COMMD10: variants seen among roughly 807,000 people sequenced by gnomAD.
COMMD10 encodes COMM domain-containing protein 10.
In COMMD10, 33 loss-of-function variants were observed where a neutral mutation model predicts 28.9. The ratio of observed to expected loss-of-function variants is 1.14; its 90% confidence interval spans 0.87 to 1.53. COMMD10 has a LOEUF of 1.53. Among genes scored for constraint, COMMD10 ranks in the 40% most tolerant of loss-of-function variants. The probability of loss-of-function intolerance (pLI) is 0.00; values close to 1 mark genes in which losing one functional copy is unlikely to be tolerated. For synonymous variants in COMMD10, 110 were observed against 81.7 expected (o/e 1.35, Z -1.87); for missense variants, 310 against 233.4 (o/e 1.33, Z -2.14).
chr5:116,114,478 C>T (rs1385953124), intron 4 of COMMD10, among the ~76,000 whole-genome samples: 1 of 152,024 alleles, frequency 6.6e-6, no homozygotes, highest in Non-Finnish European at 1.5e-5. Context: ...AGAGTAATGG[C>T]AGGGTTTTTA....
At chr5:116,223,335 C>G (rs72804898) in intron 5 of COMMD10, among the ~76,000 whole-genome samples, 1 of 148,646 alleles carries the variant, frequency 6.7e-6, no homozygotes, top group Non-Finnish European at 1.5e-5. Context: ...AAAAAAAGTT[C>G]TTATTACAAT....
At chr5:116,087,730 T>G (rs554265739) in intron 2 of COMMD10, 143 bp downstream of exon 2, 1 of 618,568 alleles carries the variant, frequency 1.6e-6, no homozygotes, top group South Asian at 2.1e-5. Flanking sequence ...TTGGTAATGT[T>G]TCATGGTCAG....
chr5:116,271,887 G>T (rs1458186239), intron 5 of COMMD10, among the ~76,000 whole-genome samples: 2 of 151,692 alleles, frequency 1.3e-5, no homozygotes, highest in Non-Finnish European at 2.9e-5. Context: ...ATACAAATGA[G>T]TTATCTTTTC....
At chr5:116,253,373 C>G (rs1201243784) in intron 5 of COMMD10, among the ~76,000 whole-genome samples, 1 of 148,946 alleles carries the variant, frequency 6.7e-6, no homozygotes, top group Non-Finnish European at 1.5e-5. Flanking sequence ...CTGTCTTGTG[C>G]TAGTGTTCAA....
At chr5:116,085,337 A>C (rs1036291701) in intron 1 of COMMD10, 1 of 520,086 alleles carries the variant, frequency 1.9e-6, no homozygotes, top group African/African-American at 2.0e-5. Context: ...TGAGGTCTGT[A>C]CGGAAGCGTG....
intron 4 of COMMD10, among the ~76,000 whole-genome samples, chr5:116,119,609 A>AT (rs1237849543): frequency 6.6e-6 from 1 of 151,530 alleles, no homozygotes; most frequent in African/African-American, 2.4e-5. Context: ...GCATCTTATT[A>AT]TTTTTTTTCC....
rs72808920 is a variant in COMMD10, at chr5:116,284,855, G to A, written c.511-6662G>A. On this transcript the variant is annotated intron_variant, in intron 5 of 6. Coordinates refer to ENST00000274458, the MANE Select transcript of COMMD10 (RefSeq NM_016144.4). ...TAGAGCCTAGACAATCCAAAGAGAA[G>A]CACCTTTAATACTAGTAATTGAACT... 2.8e-3 allele frequency among the ~76,000 whole-genome samples: 430 copies of A among 152,010 alleles called. 5 individuals are homozygous for A. Among genetic ancestry groups the A allele is most frequent in the Non-Finnish European group, 4.4e-3 (296 of 68,012 alleles).
chr5:116,147,426 G>GT (rs1191647109), intron 5 of COMMD10, among the ~76,000 whole-genome samples: 1 of 151,782 alleles, frequency 6.6e-6, no homozygotes, highest in African/African-American at 2.4e-5. Flanking sequence ...TAACTTGCTT[G>GT]TTTCGTAAAT....
intron 5 of COMMD10, among the ~76,000 whole-genome samples, chr5:116,235,771 T>C (rs938016477): frequency 2.0e-5 from 3 of 152,194 alleles, no homozygotes; most frequent in African/African-American, 7.2e-5. Context: ...CTCCTTGGAA[T>C]CTCTTAAGGG....
chr5:116,165,600 G>A (rs1305407841), intron 5 of COMMD10, among the ~76,000 whole-genome samples: 2 of 151,826 alleles, frequency 1.3e-5, no homozygotes, highest in African/African-American at 4.8e-5. Context: ...GGGTGTGTGT[G>A]TGTGTGGGTG....
chr5:116,258,670 C>G (rs1336224396), intron 5 of COMMD10, among the ~76,000 whole-genome samples: 1 of 151,710 alleles, frequency 6.6e-6, no homozygotes, highest in Non-Finnish European at 1.5e-5. Context: ...TTTCTGATAT[C>G]AATATAATTT....
At chr5:116,134,359 C>A (rs1751962568) in intron 5 of COMMD10, among the ~76,000 whole-genome samples, 181 bp downstream of exon 5, 1 of 152,062 alleles carries the variant, frequency 6.6e-6, no homozygotes, top group African/African-American at 2.4e-5. Context: ...CTTACAAAAA[C>A]ATTTCATAAT....
In COMMD10 at chr5:116,222,989, C is replaced by T. The variant is rs147757604; in HGVS notation, c.511-68528C>T. Among the ~76,000 whole-genome samples the T allele has an allele frequency of 5.6e-3, 854 of 152,224 alleles. 11 individuals carry two copies. Among genetic ancestry groups the T allele is most frequent in the African/African-American group, 0.02 (814 of 41,532 alleles). On this transcript the variant is annotated intron_variant, in intron 5 of 6. Coordinates refer to ENST00000274458, the MANE Select transcript of COMMD10 (RefSeq NM_016144.4). Reference sequence around the variant, plus strand: ...ACAAGTGTGAGCCACTGCGCTCAGCCGCCCTTTTTAATACTATGGTTATTT... The same window carrying T: ...ACAAGTGTGAGCCACTGCGCTCAGCTGCCCTTTTTAATACTATGGTTATTT...
At chr5:116,259,049 G>C (rs980237639) in intron 5 of COMMD10, among the ~76,000 whole-genome samples, 6 of 148,464 alleles carry the variant, frequency 4.0e-5, no homozygotes, top group African/African-American at 1.5e-4. Context: ...TTTATCTTTA[G>C]CTACGTCCTT....
At chr5:116,167,313 T>G (rs1345860407) in intron 5 of COMMD10, among the ~76,000 whole-genome samples, 2 of 151,742 alleles carry the variant, frequency 1.3e-5, no homozygotes, top group Non-Finnish European at 2.9e-5. Flanking sequence ...TGAAAAGGAA[T>G]GAACAAAGCC....
At position 116,278,130 on chromosome 5, in the gene COMMD10, G is replaced by A. The variant is rs527595369; in HGVS notation, c.511-13387G>A. On this transcript the variant is annotated intron_variant, in intron 5 of 6. Transcript: ENST00000274458. ...AAATGATGTTTCAGTCATCAGATAT[G>A]TACTTATCCTTAGAATAAATTATAA... Among the ~76,000 whole-genome samples the A allele has an allele frequency of 9.9e-5, 15 of 151,820 alleles. No homozygotes were observed. The East Asian group carries it at 2.9e-3, about 29-fold the overall frequency.
chr5:116,285,431 C>A (rs1751192427), intron 5 of COMMD10, among the ~76,000 whole-genome samples: 1 of 151,854 alleles, frequency 6.6e-6, no homozygotes, highest in Non-Finnish European at 1.5e-5. Flanking sequence ...CCCCACAAAA[C>A]AACTGCCCTG....
intron 5 of COMMD10, among the ~76,000 whole-genome samples, chr5:116,173,949 C>T (rs1171956781): frequency 6.6e-6 from 1 of 151,636 alleles, no homozygotes; most frequent in Non-Finnish European, 1.5e-5. Flanking sequence ...TGCCATGTGC[C>T]ATATACTTCC....
At chr5:116,178,664 T>C (rs905379105) in intron 5 of COMMD10, among the ~76,000 whole-genome samples, 2 of 152,118 alleles carry the variant, frequency 1.3e-5, no homozygotes, top group Non-Finnish European at 2.9e-5. Context: ...TCAGGAGATA[T>C]ATCATCTCAG....
Sources: allele counts gnomAD v4.1 joint callset (sites outside exome capture counted in the v4.1 genomes callset), GRCh38; gene constraint gnomAD v4.1.1; transcripts MANE v1.5; gene names NCBI Gene and HGNC (gene_info 2026-07-23, HGNC 2026-07-21).